Variants in CDK6 observed in about 807,000 individuals in gnomAD.
CDK6 encodes cyclin-dependent kinase 6.
CDK6 carries 6 observed loss-of-function variants against 37.1 expected under a neutral mutation model. That is an observed-to-expected ratio of 0.16 (90% CI 0.09 to 0.32). CDK6 has a LOEUF of 0.32. CDK6 is among the 10% of genes least tolerant of loss of function. The pLI, the probability that CDK6 is intolerant of heterozygous loss-of-function variation, is 1.00. For synonymous variants in CDK6, 160 were observed against 161.3 expected (o/e 0.99, Z 0.06); for missense variants, 224 against 418.9 (o/e 0.53, Z 4.06).
chr7:92,668,207 A>T (rs1394994278), intron 5 of CDK6, among the ~76,000 whole-genome samples: 1 of 152,244 alleles, frequency 6.6e-6, no homozygotes, highest in East Asian at 1.9e-4. Context: ...AATATGTCAT[A>T]CAGATTGGCA....
At chr7:92,798,487 C>T (rs1387498584) in intron 2 of CDK6, among the ~76,000 whole-genome samples, 1 of 152,114 alleles carries the variant, frequency 6.6e-6, no homozygotes, top group African/African-American at 2.4e-5. Context: ...GAAGGATTTG[C>T]CCAACTTTTG....
intron 2 of CDK6, among the ~76,000 whole-genome samples, chr7:92,790,986 C>T (rs1045117153): frequency 6.6e-6 from 1 of 152,014 alleles, no homozygotes; most frequent in Non-Finnish European, 1.5e-5. Context: ...TTCAAAGAGC[C>T]CAATCTGATG....
At chr7:92,771,400 A>C (rs1799716008) in intron 3 of CDK6, among the ~76,000 whole-genome samples, 1 of 151,982 alleles carries the variant, frequency 6.6e-6, no homozygotes, top group African/African-American at 2.4e-5. Context: ...GATACGTTTT[A>C]ATCTATGCAA....
chr7:92,624,164 A>T (rs187239728), intron 5 of CDK6, among the ~76,000 whole-genome samples: 1 of 152,220 alleles, frequency 6.6e-6, no homozygotes, highest in Non-Finnish European at 1.5e-5. Flanking sequence ...GAATGTTACT[A>T]TTCCTGAAAA....
At chr7:92,827,082 T>C (rs1801342043) in intron 2 of CDK6, among the ~76,000 whole-genome samples, 1 of 152,222 alleles carries the variant, frequency 6.6e-6, no homozygotes, top group Non-Finnish European at 1.5e-5. Context: ...AATCAGTTTA[T>C]ATCTACAATG....
chr7:92,698,975 T>C (rs754918916), intron 4 of CDK6, among the ~76,000 whole-genome samples: 8 of 152,226 alleles, frequency 5.3e-5, no homozygotes, highest in Non-Finnish European at 1.0e-4. Context: ...AGCATGCTAC[T>C]ATTATAAAGA....
intron 3 of CDK6, among the ~76,000 whole-genome samples, chr7:92,760,132 A>T (rs1196595799): frequency 6.6e-6 from 1 of 152,214 alleles, no homozygotes; most frequent in Non-Finnish European, 1.5e-5. Flanking sequence ...TGTATTCTGT[A>T]CACAGACATT....
At chr7:92,625,304 A>G (rs1292447772) in intron 5 of CDK6, among the ~76,000 whole-genome samples, 1 of 151,818 alleles carries the variant, frequency 6.6e-6, no homozygotes, top group East Asian at 1.9e-4. Flanking sequence ...CATGTAAAGT[A>G]TTTCACACAG....
At position 92,774,804 on chromosome 7, in the gene CDK6, T is replaced by C; in HGVS notation, c.261A>G (p.Arg87=). The change falls in exon 3 of 8, where the codon CGA becomes CGG. Residue 87 remains arginine (R), a synonymous_variant. Transcript: ENST00000424848. The stretch of plus-strand genomic sequence containing the variant: ...AAGTTAGTTTGGTTTCTCTGTCTGT[T>C]CGTGACACTGTGCACACATCAAACA... ...VRLFDVCTVS[R]TDRETKLTLV... is the part of the protein sequence containing the mutation. 1 of 1,612,368 alleles carries C rather than the reference T, an allele frequency of 6.2e-7. No homozygotes were observed.
At chr7:92,754,945 T>TGG (rs1799276264) in intron 3 of CDK6, among the ~76,000 whole-genome samples, 1 of 152,014 alleles carries the variant, frequency 6.6e-6, no homozygotes, top group African/African-American at 2.4e-5. Flanking sequence ...TGGCAGTAAA[T>TGG]TACCAACAAT....
chr7:92,607,364 C>T lies in CDK6; in HGVS notation c.*7776G>A. 1 of 233,222 alleles carries T rather than the reference C, an allele frequency of 4.3e-6. No individual in the cohort carries two copies. 14.4% of individuals were successfully genotyped at this position (233,222 alleles called of 1,614,324 possible). A position where few individuals can be genotyped will look rare whatever the true frequency, so the allele number is the denominator to read the frequency against. On this transcript the variant is annotated 3_prime_UTR_variant, in exon 8 of 8. Coordinates refer to ENST00000424848, the MANE Select transcript of CDK6 (RefSeq NM_001145306.2). Reference sequence around the variant, plus strand: ...AGGCATATCTAAAATGCTTTTCTACCTTTAGTTTTTATTTTTGCTATATTT... The same window carrying T: ...AGGCATATCTAAAATGCTTTTCTACTTTTAGTTTTTATTTTTGCTATATTT...
intron 4 of CDK6, among the ~76,000 whole-genome samples, chr7:92,698,323 G>GT (rs1797766465): frequency 6.6e-6 from 1 of 152,200 alleles, no homozygotes; most frequent in African/African-American, 2.4e-5. Flanking sequence ...TAAAAGGAAT[G>GT]TTACAGGGGG....
chr7:92,677,343 C>T (rs1306693461), intron 4 of CDK6, among the ~76,000 whole-genome samples: 5 of 152,116 alleles, frequency 3.3e-5, no homozygotes, highest in African/African-American at 1.2e-4. Context: ...CTGGGCCAGG[C>T]GTGGTGGCTC....
intron 3 of CDK6, among the ~76,000 whole-genome samples, chr7:92,762,320 T>A (rs1445908937): frequency 1.3e-5 from 2 of 152,008 alleles, no homozygotes; most frequent in Non-Finnish European, 2.9e-5. Context: ...ATCACCAACC[T>A]ATTTCTTCCC....
intron 2 of CDK6, among the ~76,000 whole-genome samples, chr7:92,775,812 T>C (rs1276237088): frequency 6.6e-6 from 1 of 152,140 alleles, no homozygotes; most frequent in Non-Finnish European, 1.5e-5. Flanking sequence ...TTAAAAAAAA[T>C]TGAATAAATG....
In CDK6 at chr7:92,833,927, C is replaced by T. The variant is rs1801572933; in HGVS notation, c.-367-237G>A. 2.5e-6 allele frequency: 1 copy of T among 398,884 alleles called. No individual in the cohort carries two copies. Among genetic ancestry groups the T allele is most frequent in the Admixed American group, 4.4e-5 (1 of 22,742 alleles). 24.7% of individuals were successfully genotyped at this position (398,884 alleles called of 1,614,324 possible). Reference sequence around the variant, plus strand: ...TTCGCGCGGAGAGGTTGCAGGGGCCCCTCGGGGATGAGCGAGCGGCGCGGG... The same window carrying T: ...TTCGCGCGGAGAGGTTGCAGGGGCCTCTCGGGGATGAGCGAGCGGCGCGGG... On this transcript the variant is annotated intron_variant, in intron 1 of 7. Transcript: ENST00000424848. This position sits in a 1 kb window ranked among gnomAD's most constrained non-coding sequence, Gnocchi z 6.1.
chr7:92,787,465 C>T (rs1800173525), intron 2 of CDK6, among the ~76,000 whole-genome samples: 1 of 151,954 alleles, frequency 6.6e-6, no homozygotes, highest in African/African-American at 2.4e-5. Context: ...AAAAATCAAA[C>T]ATGTAAAAAC....
At chr7:92,769,771 A>T (rs921223269) in intron 3 of CDK6, among the ~76,000 whole-genome samples, 2 of 152,228 alleles carry the variant, frequency 1.3e-5, no homozygotes, top group Non-Finnish European at 2.9e-5. Flanking sequence ...CAAATTACTA[A>T]GAAAAATGGT....
chr7:92,802,035 T>C (rs1320455424), intron 2 of CDK6, among the ~76,000 whole-genome samples: 1 of 144,720 alleles, frequency 6.9e-6, no homozygotes, highest in African/African-American at 2.5e-5. Context: ...CTCACTTTCT[T>C]ATTTGTATAT....
Sources: allele counts gnomAD v4.1 joint callset (sites outside exome capture counted in the v4.1 genomes callset), GRCh38; gene constraint gnomAD v4.1.1; non-coding constraint Gnocchi (gnomAD v3.1); transcripts MANE v1.5; gene names NCBI Gene and HGNC (gene_info 2026-07-23, HGNC 2026-07-21).